The following OPA3 variants were observed in gnomAD, a reference collection of about 807,000 sequenced individuals.
OPA3 encodes the protein optic atrophy 3 protein.
Under a neutral mutation model 4.0 loss-of-function variants are expected in OPA3, and 6 were observed. That is an observed-to-expected ratio of 1.51 (90% CI 0.83 to 2.99). The LOEUF (loss-of-function observed/expected upper bound fraction) is 2.99, where lower values mean the gene tolerates loss of function less well. Among genes scored for constraint, OPA3 ranks in the 30% most tolerant of loss-of-function variants. The probability of loss-of-function intolerance (pLI) is 0.00; values close to 1 mark genes in which losing one functional copy is unlikely to be tolerated. For synonymous variants in OPA3, 105 were observed against 117.1 expected (o/e 0.90, Z 0.67); for missense variants, 235 against 256.2 (o/e 0.92, Z 0.56).
chr19:45,567,725 G>C (rs1317861985), intron 1 of OPA3, among the ~76,000 whole-genome samples: 1 of 152,100 alleles, frequency 6.6e-6, no homozygotes. Flanking sequence ...GAGTTTGGGA[G>C]CCAGTGGGAT....
At position 45,551,846 on chromosome 19, in the gene OPA3, C is replaced by T. The variant is rs374292097; in HGVS notation, c.*1668G>A. The T allele has an allele frequency of 1.7e-4, 168 of 985,502 alleles. 1 individual carries two copies. The African/African-American group carries it at 2.0e-3, about 12-fold the overall frequency. The allele number at this position is 985,502 out of a possible 1,614,324, so 61.0% of individuals were successfully genotyped here. ...GCAAGAGCACACAGATTAGGAGACA[C>T]GGATGGAAGATGAAGGATGTGACAA... On this transcript the variant is annotated 3_prime_UTR_variant, in exon 2 of 2. Transcript: ENST00000263275.
At chr19:45,566,231 C>T (rs1969580363) in intron 1 of OPA3, among the ~76,000 whole-genome samples, 1 of 151,454 alleles carries the variant, frequency 6.6e-6, no homozygotes, top group Admixed American at 6.6e-5. Flanking sequence ...CTCACTGCAA[C>T]CTCTGCTGCC....
At chr19:45,555,305 G>A (rs1182066514) in intron 1 of OPA3, among the ~76,000 whole-genome samples, 2 of 152,088 alleles carry the variant, frequency 1.3e-5, no homozygotes, top group East Asian at 3.9e-4. Context: ...GAAACCATGT[G>A]AAATTTCTGA....
At chr19:45,539,419 CCTT>C (rs1316756860) in intron 1 of OPA3, among the ~76,000 whole-genome samples, 4 of 152,076 alleles carry the variant, frequency 2.6e-5, no homozygotes, top group Non-Finnish European at 5.9e-5. Context: ...TGGCGAAACC[CCTT>C]CTCTACAAAA....
chr19:45,556,725 A>G (rs1255604282), intron 1 of OPA3, among the ~76,000 whole-genome samples: 1 of 152,120 alleles, frequency 6.6e-6, no homozygotes, highest in East Asian at 1.9e-4. Context: ...CTGGAGCTGG[A>G]GGGAAGACCT....
downstream of OPA3, among the ~76,000 whole-genome samples, chr19:45,541,585 GAA>G (rs1380025407): frequency 4.0e-5 from 6 of 151,882 alleles, no homozygotes; most frequent in Non-Finnish European, 8.8e-5. Context: ...TTTTTTTGGA[GAA>G]AGAGTCTCAG....
At chr19:45,554,250 C>T (rs1323741501) in intron 1 of OPA3, among the ~76,000 whole-genome samples, 1 of 152,212 alleles carries the variant, frequency 6.6e-6, no homozygotes, top group Non-Finnish European at 1.5e-5. Context: ...CACCCACTTC[C>T]CAGGAGAAAG....
chr19:45,553,611 G>A lies in OPA3; in HGVS notation c.443C>T (p.Ala148Val). The A allele has an allele frequency of 5.6e-6, 9 of 1,609,136 alleles. No homozygotes were observed. The highest frequency in any genetic ancestry group is 7.6e-6 in the Non-Finnish European group (9 of 1,179,032). ...CAGCTCTGTGCGCAGTTCCTCCAGG[G>A]CGCCCTGTGGCGGCGCCGCCTGCAC... is the stretch of plus-strand genomic sequence containing the variant. The part of the protein sequence containing the change: ...AQVQAAPPQG[A>V]LEELRTELQE... The change falls in exon 2 of 2, where the codon GCC (alanine) becomes GTC (valine). Residue 148 changes from alanine to valine, a missense_variant. Transcript: ENST00000263275.
At chr19:45,539,807 T>C (rs551085131) in intron 1 of OPA3, among the ~76,000 whole-genome samples, 5 of 151,848 alleles carry the variant, frequency 3.3e-5, no homozygotes, top group African/African-American at 1.2e-4. Flanking sequence ...CCATGCATTG[T>C]ATGACTCCAT....
intron 1 of OPA3, among the ~76,000 whole-genome samples, chr19:45,569,606 A>T (rs1256778967): frequency 6.6e-6 from 1 of 151,930 alleles, no homozygotes; most frequent in African/African-American, 2.4e-5. Context: ...CCTCCCATAC[A>T]CCAAGGGGTG....
chr19:45,537,380 G>C (rs147094030), intron 1 of OPA3, among the ~76,000 whole-genome samples: 2,148 of 94,678 alleles, frequency 0.023, 39 homozygotes, highest in South Asian at 0.1. Flanking sequence ...CTGGATGACA[G>C]AGCAAGACTC....
chr19:45,566,198 G>C (rs1969579761), intron 1 of OPA3, among the ~76,000 whole-genome samples: 1 of 152,070 alleles, frequency 6.6e-6, no homozygotes, highest in African/African-American at 2.4e-5. Flanking sequence ...CGCCCAGGCT[G>C]GAGTGCAAAG....
rs777448675 is a variant in OPA3, at chr19:45,552,158, C to T, written c.*1356G>A. ...GGGGTTCTGTTGGAATAGTCCACTTCGGGTCTCAAGGGAAGGTACAATGAT... is the reference window on the plus strand; with the variant it reads ...GGGGTTCTGTTGGAATAGTCCACTTTGGGTCTCAAGGGAAGGTACAATGAT... On this transcript the variant is annotated 3_prime_UTR_variant, in exon 2 of 2. Transcript: ENST00000263275. The T allele has an allele frequency of 6.9e-5, 68 of 985,240 alleles. No homozygotes were observed. Among genetic ancestry groups the T allele is most frequent in the Non-Finnish European group, 7.3e-5 (61 of 829,960 alleles). 61.0% of individuals were successfully genotyped at this position (985,240 alleles called of 1,614,324 possible).
chr19:45,573,552 T>G (rs1969720137), intron 1 of OPA3, among the ~76,000 whole-genome samples: 2 of 152,146 alleles, frequency 1.3e-5, no homozygotes, highest in South Asian at 4.1e-4. Flanking sequence ...AATATCCACA[T>G]AACAACCCAA....
intron 1 of OPA3, among the ~76,000 whole-genome samples, chr19:45,561,667 A>G (rs113010364): frequency 1.2e-3 from 185 of 152,264 alleles, no homozygotes; most frequent in African/African-American, 4.2e-3. Context: ...AAGTTGGCTG[A>G]TAATAAAAGA....
At chr19:45,556,541 A>G (rs888777573) in intron 1 of OPA3, among the ~76,000 whole-genome samples, 2 of 151,994 alleles carry the variant, frequency 1.3e-5, no homozygotes, top group African/African-American at 4.8e-5. Flanking sequence ...GTTTTTTGGT[A>G]GAGACTGGGT....
downstream of OPA3, among the ~76,000 whole-genome samples, chr19:45,545,276 T>A (rs1383424196): frequency 6.6e-6 from 1 of 151,202 alleles, no homozygotes; most frequent in African/African-American, 2.4e-5. Flanking sequence ...ACACCTGTAA[T>A]CCTAGCACTT....
intron 1 of OPA3, among the ~76,000 whole-genome samples, chr19:45,570,064 G>A (rs1215242615): frequency 5.9e-5 from 9 of 152,168 alleles, no homozygotes; most frequent in South Asian, 2.1e-4. Flanking sequence ...TCAGGCAGGC[G>A]CCATCCCCAG....
chr19:45,538,928 G>A (rs1358140642), intron 1 of OPA3, among the ~76,000 whole-genome samples: 1 of 152,186 alleles, frequency 6.6e-6, no homozygotes, highest in African/African-American at 2.4e-5. Flanking sequence ...AAAGGAAAGA[G>A]GTTTAGTTGA....
Sources: gnomAD v4.1 joint callset for allele counts (sites outside exome capture counted in the v4.1 genomes callset) on GRCh38, gnomAD v4.1.1 for gene constraint, MANE v1.5 for transcripts, NCBI Gene and HGNC (gene_info 2026-07-23, HGNC 2026-07-21) for gene names.